Variants in CNOT1 observed in about 807,000 individuals in gnomAD.
The protein encoded by CNOT1 is CCR4-associated factor 1.
A neutral mutation model predicts 273.8 loss-of-function variants in CNOT1; 15 were observed. That is an observed-to-expected ratio of 0.05 (90% CI 0.04 to 0.08). The LOEUF (loss-of-function observed/expected upper bound fraction) is 0.08. CNOT1 is among the 10% of genes least tolerant of loss of function. The pLI is 1.00. For missense variants in CNOT1, 1,644 were observed against 2,912.2 expected (o/e 0.56, Z 10.02); for synonymous variants, 1,022 against 1,005.5 (o/e 1.02, Z -0.31).
In CNOT1 at chr16:58,581,454, C is replaced by T. The variant is rs367777689; in HGVS notation, c.1106G>A (p.Arg369His). 32 of 1,613,822 alleles carry T rather than the reference C, an allele frequency of 2.0e-5. 1 individual carries two copies. The highest frequency in any genetic ancestry group is 9.9e-5 in the South Asian group (9 of 91,056). Residue 369 changes from arginine (R) to histidine (H), a missense_variant, in exon 11 of 49, where the codon CGT becomes CAT. Arg to His is a conservative substitution (Grantham distance 29). Coordinates refer to ENST00000317147, the MANE Select transcript of CNOT1 (RefSeq NM_016284.5). Reference protein sequence around the residue: ...YELDHPGFQIRDSKGLHNVVY... With the variant: ...YELDHPGFQIHDSKGLHNVVY... ...CACATTATGAAGTCCTTTACTGTCA[C>T]GAATTTGAAATCCAGGATGGTCCAG...
chr16:58,605,489 G>A (rs993876080), intron 1 of CNOT1, among the ~76,000 whole-genome samples: 1 of 152,110 alleles, frequency 6.6e-6, no homozygotes. Context: ...CTAGGCGACA[G>A]AGCAAGACTC....
chr16:58,612,818 G>A (rs908359280), intron 1 of CNOT1, among the ~76,000 whole-genome samples: 82 of 152,126 alleles, frequency 5.4e-4, no homozygotes, highest in African/African-American at 1.8e-3. Context: ...AGTTCCAAAA[G>A]GTTGGTTCAC....
chr16:58,583,113 C>A lies in CNOT1; in HGVS notation c.876G>T (p.Arg292Ser). 1 of 1,613,780 alleles carries A rather than the reference C, an allele frequency of 6.2e-7. No homozygotes were observed. Among genetic ancestry groups the A allele is most frequent in the East Asian group, 2.2e-5 (1 of 44,890 alleles). Residue 292 changes from arginine (R) to serine (S), a missense_variant, in exon 9 of 49, where the codon AGG (arginine) becomes AGT (serine). By Grantham distance (110) the Arg-to-Ser change is moderately radical. Around this residue, in one of 13 missense-constraint regions of CNOT1, gnomAD observed 706 missense variants for 1,021.2 expected, o/e 0.69. Transcript: ENST00000317147. Reference sequence around the variant, plus strand: ...GAGTTCGAGCCATCATTCCCAAAACCCTTGCAACCTGGGCAGCTGTGACCT... The same window carrying A: ...GAGTTCGAGCCATCATTCCCAAAACACTTGCAACCTGGGCAGCTGTGACCT... Reference protein sequence around the residue: ...VREVTAAQVARVLGMMARTHS... With the variant: ...VREVTAAQVASVLGMMARTHS...
At chr16:58,610,096 T>C (rs1336077524) in intron 1 of CNOT1, among the ~76,000 whole-genome samples, 5 of 152,220 alleles carry the variant, frequency 3.3e-5, no homozygotes, top group South Asian at 2.1e-4. Flanking sequence ...TGTGTAAGAA[T>C]TGGAAAGGGG....
chr16:58,619,990 T>C (rs953504650), intron 1 of CNOT1, among the ~76,000 whole-genome samples: 3 of 152,114 alleles, frequency 2.0e-5, no homozygotes, highest in Admixed American at 6.6e-5. Context: ...ACCTACATAA[T>C]GAACCACCAC....
At chr16:58,615,978 T>C (rs1445555901) in intron 1 of CNOT1, among the ~76,000 whole-genome samples, 1 of 120,516 alleles carries the variant, frequency 8.3e-6, no homozygotes, top group African/African-American at 2.8e-5. Flanking sequence ...CCCTAGCTAC[T>C]AGAGAGGCTG....
chr16:58,545,123 A>G (rs1048481278), intron 30 of CNOT1, among the ~76,000 whole-genome samples: 19 of 152,236 alleles, frequency 1.2e-4, no homozygotes, highest in African/African-American at 4.6e-4. Context: ...GCTAAATTTT[A>G]GTATCATGGG....
chr16:58,576,953 A>G (rs1201648845), intron 13 of CNOT1, among the ~76,000 whole-genome samples: 2 of 152,272 alleles, frequency 1.3e-5, no homozygotes, highest in African/African-American at 4.8e-5. Flanking sequence ...AAATAAAAAC[A>G]AAACAATTTA....
intron 27 of CNOT1, 61 bp from the exon 28 acceptor site, chr16:58,546,810 A>G (rs2040270236): frequency 1.2e-6 from 2 of 1,602,494 alleles, no homozygotes; most frequent in East Asian, 2.2e-5. Context: ...GGATTATTTA[A>G]AACAATTCAA....
Position 58,555,466 on chromosome 16 carries a change from T to C in CNOT1, c.2676A>G (p.Leu892=), listed in dbSNP as rs188394796. The change falls in exon 21 of 49, where the codon CTA becomes CTG. Residue 892 remains leucine (L), a synonymous_variant. Transcript: ENST00000317147. ...KREREVFNCM[L]RNLFEEYRFF... ...AACGATATTCTTCAAACAAGTTCCT[T>C]AGCATACAGTTAAATACTTCTCGTT... The C allele has an allele frequency of 1.4e-5, 22 of 1,614,116 alleles. No individual in the cohort carries two copies. Among genetic ancestry groups the C allele is most frequent in the South Asian group, 7.7e-5 (7 of 91,090 alleles).
chr16:58,530,239 T>C lies in CNOT1; in HGVS notation c.6279+7A>G. 1.3e-6 allele frequency: 2 copies of C among 1,580,068 alleles called. No individual in the cohort carries two copies. The highest frequency in any genetic ancestry group is 1.7e-6 in the Non-Finnish European group (2 of 1,156,640). On this transcript the variant is annotated splice_region_variant and intron_variant, in intron 43 of 48. Coordinates refer to ENST00000317147, the MANE Select transcript of CNOT1 (RefSeq NM_016284.5). The stretch of plus-strand genomic sequence containing the variant: ...ATTTTAATTTATAATAAATCCAAGT[T>C]AATTACCTTGTAGAGGATTTGCATA...
At chr16:58,575,959 A>G (rs2041445928) in intron 14 of CNOT1, among the ~76,000 whole-genome samples, 1 of 152,196 alleles carries the variant, frequency 6.6e-6, no homozygotes, top group Admixed American at 6.5e-5. Context: ...TATATGGAAG[A>G]CCAATCAAAA....
chr16:58,580,953 G>T (rs2041634847), intron 11 of CNOT1, among the ~76,000 whole-genome samples, 193 bp from the exon 12 acceptor site: 1 of 152,090 alleles, frequency 6.6e-6, no homozygotes, highest in Non-Finnish European at 1.5e-5. Flanking sequence ...ACCCTGTCTG[G>T]ATTATCAATC....
intron 1 of CNOT1, among the ~76,000 whole-genome samples, chr16:58,612,395 G>A (rs545444111): frequency 1.3e-5 from 2 of 152,162 alleles, no homozygotes; most frequent in African/African-American, 4.8e-5. Context: ...ACCTAAAAAA[G>A]GTCAATCTGA....
intron 47 of CNOT1, 134 bp downstream of exon 47, chr16:58,523,236 C>A (rs2039470192): frequency 4.5e-6 from 4 of 897,444 alleles, no homozygotes; most frequent in Non-Finnish European, 4.8e-6. Flanking sequence ...CAGAGCAACA[C>A]TCCGTCTCAA....
intron 16 of CNOT1, among the ~76,000 whole-genome samples, chr16:58,574,008 T>C (rs1205180666): frequency 1.3e-5 from 2 of 151,906 alleles, no homozygotes; most frequent in Non-Finnish European, 2.9e-5. Flanking sequence ...CCCAGCACTT[T>C]GGGAGGCTGT....
chr16:58,567,239 G>A (rs2041077104), intron 16 of CNOT1, among the ~76,000 whole-genome samples: 2 of 152,164 alleles, frequency 1.3e-5, no homozygotes, highest in Non-Finnish European at 2.9e-5. Context: ...AGGATGCAGA[G>A]AGGACTGCTT....
intron 1 of CNOT1, among the ~76,000 whole-genome samples, chr16:58,602,042 T>C (rs755882519): frequency 1.6e-4 from 25 of 152,188 alleles, no homozygotes; most frequent in Middle Eastern, 3.4e-3. Flanking sequence ...ACTTTCTTAG[T>C]AATCTACTTC....
At chr16:58,604,089 C>T in intron 1 of CNOT1, among the ~76,000 whole-genome samples, 2 of 152,156 alleles carry the variant, frequency 1.3e-5, no homozygotes, top group East Asian at 3.9e-4. Context: ...TGAAATACTG[C>T]TAGTCATATA....
Sources: allele counts gnomAD v4.1 joint callset (sites outside exome capture counted in the v4.1 genomes callset), GRCh38; gene constraint gnomAD v4.1.1; regional missense constraint gnomAD v4.1.1; transcripts MANE v1.5; gene names NCBI Gene and HGNC (gene_info 2026-07-23, HGNC 2026-07-21).